CDH23: variants seen among roughly 807,000 people sequenced by gnomAD.
CDH23 encodes cadherin-23.
A neutral mutation model predicts 317.1 loss-of-function variants in CDH23; 189 were observed. The ratio of observed to expected loss-of-function variants is 0.60; its 90% confidence interval spans 0.53 to 0.67. The LOEUF is 0.67. CDH23 is among the 30% of genes least tolerant of loss of function. CDH23 has a pLI of 0.00. For synonymous variants in CDH23, 1,839 were observed against 1,876.8 expected, an observed-to-expected ratio of 0.98 and a Z score of 0.52; for missense variants, 4,401 against 4,592.4, an observed-to-expected ratio of 0.96 and a Z score of 1.20.
intron 1 of CDH23, among the ~76,000 whole-genome samples, chr10:71,413,617 G>A (rs1848423322): frequency 6.6e-6 from 1 of 152,110 alleles, no homozygotes; most frequent in Non-Finnish European, 1.5e-5. Flanking sequence ...ATTAAATATG[G>A]TATCTTAACA....
At position 71,811,352 on chromosome 10, in the gene CDH23, C is replaced by T. The variant is rs1026597345; in HGVS notation, c.9115C>T (p.Arg3039Trp). ...GATCGATGAGAACAAGGAGCAGCTA[C>T]GGAATCTTTTCCGGAACTACAACGT... is the stretch of plus-strand genomic sequence containing the variant. ...QMIDENKEQL[R>W]NLFRNYNVLD... Residue 3039 changes from arginine to tryptophan, a missense_variant, in exon 63 of 70, where the codon CGG becomes TGG. By Grantham distance (101) the Arg-to-Trp change is moderately radical (BLOSUM62 -3). Around this residue, in one of 3 missense-constraint regions of CDH23, gnomAD observed 1,144 missense variants for 1,138.2 expected, o/e 1.01. Transcript: ENST00000224721. 1.6e-5 allele frequency: 26 copies of T among 1,613,790 alleles called. No homozygotes were observed. Among genetic ancestry groups the T allele is most frequent in the African/African-American group, 5.3e-5 (4 of 74,880 alleles).
At chr10:71,759,098 C>T (rs918371620) in intron 38 of CDH23, among the ~76,000 whole-genome samples, 1 of 151,226 alleles carries the variant, frequency 6.6e-6, no homozygotes, top group Non-Finnish European at 1.5e-5. Context: ...AGTGCAGTGG[C>T]GCGATCTCGG....
At chr10:71,694,361 T>C (rs1485636189) in intron 21 of CDH23, 102 bp downstream of exon 21, 5 of 881,302 alleles carry the variant, frequency 5.7e-6, no homozygotes, top group Non-Finnish European at 8.8e-6. Context: ...AGTGTGAGGC[T>C]TTGTGAGAAT....
intron 14 of CDH23, among the ~76,000 whole-genome samples, chr10:71,650,613 C>A (rs189152047): frequency 3.3e-4 from 50 of 152,272 alleles, no homozygotes; most frequent in African/African-American, 1.2e-3. Context: ...TGGGGATGTG[C>A]GTACACTATA....
chr10:71,609,420 G>A (rs1860727051), intron 9 of CDH23, among the ~76,000 whole-genome samples: 1 of 151,968 alleles, frequency 6.6e-6, no homozygotes, highest in Non-Finnish European at 1.5e-5. Context: ...CTGGGCAGCA[G>A]CACCTCAGGA....
chr10:71,791,089 C>T lies in CDH23; in HGVS notation c.6050-43C>T, dbSNP rs1480308215. ...TTCTTGCCCTGTCTTCCCACCGCAC[C>T]CCTTTTCTGTGTGTTTCCCTGGCTG... On this transcript the variant is annotated intron_variant, in intron 46 of 69. Coordinates refer to ENST00000224721, the MANE Select transcript of CDH23 (RefSeq NM_022124.6). 3.3e-6 allele frequency: 5 copies of T among 1,519,220 alleles called. No homozygotes were observed. The South Asian group carries it at 4.7e-5, about 14-fold the overall frequency. 94.1% of individuals were successfully genotyped at this position (1,519,220 alleles called of 1,614,324 possible).
chr10:71,430,590 T>C (rs1363916404), intron 1 of CDH23, among the ~76,000 whole-genome samples: 6 of 152,028 alleles, frequency 3.9e-5, no homozygotes, highest in Admixed American at 3.9e-4. Flanking sequence ...GGGCGGATCA[T>C]TTGAGGTTAG....
chr10:71,815,255 C>T lies in CDH23; in HGVS notation c.10042C>T (p.Pro3348Ser), dbSNP rs745358868. The change falls in exon 70 of 70, where the codon CCC (proline) becomes TCC (serine). Residue 3348 changes from proline to serine, a missense_variant. Coordinates refer to ENST00000224721, the MANE Select transcript of CDH23 (RefSeq NM_022124.6). ...HKLRDVIMET[P>S]LEITEL The stretch of plus-strand genomic sequence containing the variant: ...ACTTCGCGACGTGATCATGGAGACC[C>T]CCCTGGAGATCACAGAGCTGTGACT... 1.0e-5 allele frequency: 16 copies of T among 1,580,084 alleles called. No homozygotes were observed. The African/African-American group carries it at 1.7e-4, about 17-fold the overall frequency.
chr10:71,427,216 A>G lies in CDH23; in HGVS notation c.-5-12611A>G, dbSNP rs1199366979. On this transcript the variant is annotated intron_variant, in intron 1 of 69. Coordinates refer to ENST00000224721, the MANE Select transcript of CDH23 (RefSeq NM_022124.6). ...GAAAGAGAAAGAAAGAAAGAAAGAA[A>G]GAAAGAAAGAAAGAAAGAAAGAAAG... Among the ~76,000 whole-genome samples, 15 of 96,060 alleles carry G rather than the reference A, an allele frequency of 1.6e-4. 2 individuals are homozygous for G. The highest frequency in any genetic ancestry group is 4.1e-4 in the Admixed American group (4 of 9,716). The allele number at this position is 96,060 out of a possible 152,430, so 63.0% of individuals were successfully genotyped here. A position where few individuals can be genotyped will look rare whatever the true frequency, so the allele number is the denominator to read the frequency against.
In CDH23 at chr10:71,799,505, A is replaced by G. The variant is rs1483539544; in HGVS notation, c.7238A>G (p.Glu2413Gly). 2 of 1,614,034 alleles carry G rather than the reference A, an allele frequency of 1.2e-6. No individual in the cohort carries two copies. Among genetic ancestry groups the G allele is most frequent in the Non-Finnish European group, 1.7e-6 (2 of 1,179,898 alleles). ...DQPSYQEAVF[E>G]DVPVGTIILT... ...CCTGGGCTCCAGGAGGCTGTCTTTG[A>G]GGATGTGCCTGTGGGCACAATCATC... The change falls in exon 52 of 70, where the codon GAG becomes GGG. Residue 2413 changes from glutamate to glycine, a missense_variant. Physicochemically the swap from Glu to Gly is moderately conservative, Grantham distance 98. Transcript: ENST00000224721.
chr10:71,499,887 C>T (rs1473599535), intron 3 of CDH23, among the ~76,000 whole-genome samples: 1 of 151,804 alleles, frequency 6.6e-6, no homozygotes, highest in Admixed American at 6.6e-5. Context: ...TGTGGTGGCA[C>T]CCGCTTGTAA....
At chr10:71,707,464 G>T (rs1015949356) in intron 26 of CDH23, 112 of 1,187,490 alleles carry the variant, frequency 9.4e-5, no homozygotes, top group Middle Eastern at 3.4e-4. Flanking sequence ...CCTGTTTAGA[G>T]GCAGATGGTT....
chr10:71,792,045 T>C (rs956276081), intron 47 of CDH23, among the ~76,000 whole-genome samples: 1 of 152,190 alleles, frequency 6.6e-6, no homozygotes, highest in Non-Finnish European at 1.5e-5. Flanking sequence ...TTACCAGATT[T>C]TATAACATAT....
At chr10:71,741,286 G>A (rs1358724434) in intron 37 of CDH23, among the ~76,000 whole-genome samples, 1 of 152,184 alleles carries the variant, frequency 6.6e-6, no homozygotes, top group Non-Finnish European at 1.5e-5. Context: ...CCCTGGCATT[G>A]CTGGGTATCA....
At chr10:71,607,764 G>A (rs544583804) in intron 9 of CDH23, among the ~76,000 whole-genome samples, 10 of 152,268 alleles carry the variant, frequency 6.6e-5, no homozygotes, top group Non-Finnish European at 1.0e-4. Flanking sequence ...TTAGCTGAGC[G>A]CAGTGGTGTG....
chr10:71,716,264 G>T, intron 28 of CDH23: 1 of 1,543,260 alleles, frequency 6.5e-7, no homozygotes, highest in Non-Finnish European at 8.8e-7. Flanking sequence ...GGTCCCGGGA[G>T]TGACGGGAGC....
chr10:71,812,134 G>A (rs1309909545), intron 66 of CDH23, 119 bp downstream of exon 66: 19 of 1,598,190 alleles, frequency 1.2e-5, no homozygotes, highest in Admixed American at 1.7e-5. Flanking sequence ...GGCGCCCCCT[G>A]GTGGGCGGGC....
intron 3 of CDH23, among the ~76,000 whole-genome samples, chr10:71,500,757 C>CTCTTT (rs1564618256): frequency 3.5e-5 from 5 of 142,152 alleles, no homozygotes; most frequent in African/African-American, 8.0e-5. Context: ...CCCTCTGAGC[C>CTCTTT]TGTTTTCTTT....
At chr10:71,455,278 T>G (rs1850637861) in intron 3 of CDH23, among the ~76,000 whole-genome samples, 1 of 152,212 alleles carries the variant, frequency 6.6e-6, no homozygotes, top group Non-Finnish European at 1.5e-5. Flanking sequence ...GATACAATTA[T>G]GGAAACCAGA....
Sources: gnomAD v4.1 joint callset for allele counts (sites outside exome capture counted in the v4.1 genomes callset) on GRCh38, gnomAD v4.1.1 for gene constraint, gnomAD v4.1.1 regional missense constraint, MANE v1.5 for transcripts, NCBI Gene and HGNC (gene_info 2026-07-23, HGNC 2026-07-21) for gene names.